Variants in NR2E1 observed in about 807,000 individuals in gnomAD.
NR2E1 encodes the protein nuclear receptor subfamily 2 group E member 1.
Under a neutral mutation model 43.6 loss-of-function variants are expected in NR2E1, and 5 were observed. The ratio of observed to expected loss-of-function variants is 0.11; its 90% confidence interval spans 0.06 to 0.24. The LOEUF (loss-of-function observed/expected upper bound fraction) is 0.24, where lower values mean the gene tolerates loss of function less well. NR2E1 is among the 10% of genes least tolerant of loss of function. The pLI is 1.00. For synonymous variants in NR2E1, 191 were observed against 195.5 expected (o/e 0.98, Z 0.19); for missense variants, 287 against 496.7 (o/e 0.58, Z 4.01).
rs925452704 is a variant in NR2E1 at position 108,181,091 on chromosome 6, C to A, written c.889+135C>A. ...AAGGGAGCTGATACTCTTAATCTGGCCCCATTTTTTATTGCTATGGGAACC... is the reference window on the plus strand; with the variant it reads ...AAGGGAGCTGATACTCTTAATCTGGACCCATTTTTTATTGCTATGGGAACC... On this transcript the variant is annotated intron_variant, in intron 7 of 8. Transcript: ENST00000368986. 281 of 983,180 alleles carry A rather than the reference C, an allele frequency of 2.9e-4. 1 individual carries two copies. The highest frequency in any genetic ancestry group is 4.4e-4 in the Non-Finnish European group (272 of 616,448). 60.9% of individuals were successfully genotyped at this position (983,180 alleles called of 1,614,324 possible). A position where few individuals can be genotyped will look rare whatever the true frequency, so the allele number is the denominator to read the frequency against.
chr6:108,179,491 C>CGTGTGTGT (rs1562405502), intron 5 of NR2E1, among the ~76,000 whole-genome samples: 3 of 74,902 alleles, frequency 4.0e-5, no homozygotes, highest in African/African-American at 2.0e-4. Context: ...CTAACCACTT[C>CGTGTGTGT]CTGTGTGTGT....
Position 108,176,871 on chromosome 6 carries a change from A to G in NR2E1, c.495+133A>G, listed in dbSNP as rs1773908681. On this transcript the variant is annotated intron_variant, in intron 4 of 8. Coordinates refer to ENST00000368986, the MANE Select transcript of NR2E1 (RefSeq NM_003269.5). ...TCCAGGGTGCTTGGCGGGTCTCTGCATGGAGCTCCAGCCCTTCTGCTCTCC... is the reference window on the plus strand; with the variant it reads ...TCCAGGGTGCTTGGCGGGTCTCTGCGTGGAGCTCCAGCCCTTCTGCTCTCC... 15 of 818,590 alleles carry G rather than the reference A, an allele frequency of 1.8e-5. No individual in the cohort carries two copies. The East Asian group carries it at 3.5e-4, about 19-fold the overall frequency. 50.7% of individuals were successfully genotyped at this position (818,590 alleles called of 1,614,324 possible).
At chr6:108,171,839 C>T (rs1486321129) in intron 2 of NR2E1, among the ~76,000 whole-genome samples, 1 of 152,134 alleles carries the variant, frequency 6.6e-6, no homozygotes, top group African/African-American at 2.4e-5. Context: ...CTAGAGCCTC[C>T]CTACACTTTT....
At chr6:108,185,387 CACACACACACGCACACACACAT>C (rs1774056517) in intron 8 of NR2E1, among the ~76,000 whole-genome samples, 3 of 120,072 alleles carry the variant, frequency 2.5e-5, no homozygotes, top group African/African-American at 1.0e-4. Context: ...CTAACACACA[CACACACACACGCACACACACAT>C]ACACACACAC....
At chr6:108,167,942 G>T (rs1773738333) in intron 1 of NR2E1, 1 of 1,443,660 alleles carries the variant, frequency 6.9e-7, no homozygotes, top group Non-Finnish European at 9.3e-7. Flanking sequence ...CCAAGAAGGA[G>T]GTTGTGTTTT....
intron 1 of NR2E1, among the ~76,000 whole-genome samples, chr6:108,167,611 G>T (rs1387216798): frequency 6.6e-6 from 1 of 152,170 alleles, no homozygotes; most frequent in Non-Finnish European, 1.5e-5. Flanking sequence ...CCAGCGTTGA[G>T]CAGGCGCGGT....
intron 5 of NR2E1, among the ~76,000 whole-genome samples, chr6:108,178,689 T>C (rs747595107): frequency 1.3e-5 from 2 of 152,218 alleles, no homozygotes; most frequent in Non-Finnish European, 2.9e-5. Context: ...CCCAGCTTTA[T>C]ATTCTCCATT....
At chr6:108,181,193 A>C (rs1370013940) in intron 7 of NR2E1, among the ~76,000 whole-genome samples, 1 of 150,242 alleles carries the variant, frequency 6.7e-6, no homozygotes, top group Non-Finnish European at 1.5e-5. Context: ...CTTTTTTTTT[A>C]TTTTTTAAAT....
At chr6:108,176,086 C>G (rs868598845) in intron 3 of NR2E1, 5 of 181,776 alleles carry the variant, frequency 2.8e-5, no homozygotes, top group Middle Eastern at 2.3e-3. Context: ...GAAAAGTCTG[C>G]GCAGAAACGA....
chr6:108,167,929 C>G lies in NR2E1; in HGVS notation c.25+1139C>G, dbSNP rs186787010. The stretch of plus-strand genomic sequence containing the variant: ...GATGCAATTCCCGCCCTCCTACCCC[C>G]CTCCAAGAAGGAGGTTGTGTTTTCA... On this transcript the variant is annotated intron_variant, in intron 1 of 8. Transcript: ENST00000368986. 98 of 1,353,700 alleles carry G rather than the reference C, an allele frequency of 7.2e-5. 1 individual carries two copies. In the East Asian group the frequency reaches 7.6e-4, roughly 11 times the overall value. The allele number at this position is 1,353,700 out of a possible 1,614,324, so 83.9% of individuals were successfully genotyped here.
Position 108,187,604 on chromosome 6 carries a change from C to A in NR2E1, c.*141C>A. 1 of 925,902 alleles carries A rather than the reference C, an allele frequency of 1.1e-6. No individual in the cohort carries two copies. Among genetic ancestry groups the A allele is most frequent in the Non-Finnish European group, 1.7e-6 (1 of 581,888 alleles). The allele number at this position is 925,902 out of a possible 1,614,324, so 57.4% of individuals were successfully genotyped here. A position where few individuals can be genotyped will look rare whatever the true frequency, so the allele number is the denominator to read the frequency against. ...TTCAGGAAAAAAATGCCAATTGACA[C>A]AAAGCATTCCAGTAGCTATGACCTG... On this transcript the variant is annotated 3_prime_UTR_variant, in exon 9 of 9. Transcript: ENST00000368986.
Position 108,176,143 on chromosome 6 carries a change from G to A in NR2E1, c.260-360G>A, listed in dbSNP as rs536967323. 4.4e-5 allele frequency: 12 copies of A among 272,036 alleles called. 1 individual carries two copies. In the South Asian group the frequency reaches 8.9e-4, roughly 20 times the overall value. 16.9% of individuals were successfully genotyped at this position (272,036 alleles called of 1,614,324 possible). A position where few individuals can be genotyped will look rare whatever the true frequency, so the allele number is the denominator to read the frequency against. On this transcript the variant is annotated intron_variant, in intron 3 of 8. Transcript: ENST00000368986. ...TCCCTCTCTTTTGGATGGGGGCGAG[G>A]ATACCTGGCTACTCCAGCCCAGAGG...
chr6:108,180,723 G>T lies in NR2E1; in HGVS notation c.740-84G>T. The T allele has an allele frequency of 8.0e-7, 1 of 1,247,868 alleles. No individual in the cohort carries two copies. The highest frequency in any genetic ancestry group is 1.2e-6 in the Non-Finnish European group (1 of 852,894). The allele number at this position is 1,247,868 out of a possible 1,614,324, so 77.3% of individuals were successfully genotyped here. A position where few individuals can be genotyped will look rare whatever the true frequency, so the allele number is the denominator to read the frequency against. On this transcript the variant is annotated intron_variant, in intron 6 of 8. Coordinates refer to ENST00000368986, the MANE Select transcript of NR2E1 (RefSeq NM_003269.5). This position sits in a 1 kb window ranked among gnomAD's most constrained non-coding sequence, Gnocchi z 5.4. Reference sequence around the variant, plus strand: ...TTAGAGTGACAATTGAATAGATATTGATATGCAGGATTTTGTCAAAAATCA... The same window carrying T: ...TTAGAGTGACAATTGAATAGATATTTATATGCAGGATTTTGTCAAAAATCA...
Position 108,176,566 on chromosome 6 carries a change from G to T in NR2E1, c.323G>T (p.Arg108Leu). 6.2e-7 allele frequency: 1 copy of T among 1,613,156 alleles called. No homozygotes were observed. Among genetic ancestry groups the T allele is most frequent in the African/African-American group, 1.3e-5 (1 of 75,072 alleles). ...CGCAAGCAAGTGGCCCTCTACTTCC[G>T]TGGACACAAGGAGGAGAACGGGGCC... Reference protein sequence around the residue: ...TIRKQVALYFRGHKEENGAAA... With the variant: ...TIRKQVALYFLGHKEENGAAA... The change falls in exon 4 of 9, where the codon CGT becomes CTT. Residue 108 changes from arginine to leucine, a missense_variant. Transcript: ENST00000368986.
In NR2E1 at chr6:108,180,983, TCTC is replaced by T. The variant is rs926373877; in HGVS notation, c.889+30_889+32del. 1.9e-6 allele frequency: 3 copies of T among 1,613,556 alleles called. No homozygotes were observed. The African/African-American group carries it at 4.0e-5, about 22-fold the overall frequency. ...TAAGCAGACACAGACCCCTGTTTCT[TCTC>T]CTTCCCCAGTTTTGCCACCTCACTA... On this transcript the variant is annotated intron_variant, in intron 7 of 8. Coordinates refer to ENST00000368986, the MANE Select transcript of NR2E1 (RefSeq NM_003269.5). This position sits in a 1 kb window ranked among gnomAD's most constrained non-coding sequence, Gnocchi z 5.4.
At position 108,169,201 on chromosome 6, in the gene NR2E1, T is replaced by G. The variant is rs1033012099; in HGVS notation, c.26-2257T>G. Among the ~76,000 whole-genome samples, 5 of 152,082 alleles carry G rather than the reference T, an allele frequency of 3.3e-5. No homozygotes were observed. Among genetic ancestry groups the G allele is most frequent in the African/African-American group, 1.2e-4 (5 of 41,404 alleles). Reference sequence around the variant, plus strand: ...CCGGAATTTTCGCGTCCCTCCCTCCTGGGCCCCGCCCCAGCCCGGTTGCCT... The same window carrying G: ...CCGGAATTTTCGCGTCCCTCCCTCCGGGGCCCCGCCCCAGCCCGGTTGCCT... On this transcript the variant is annotated intron_variant, in intron 1 of 8. Coordinates refer to ENST00000368986, the MANE Select transcript of NR2E1 (RefSeq NM_003269.5). The surrounding 1 kb of genome is among the most constrained non-coding windows in gnomAD (Gnocchi z 6.1).
chr6:108,172,416 G>T (rs1461326179), intron 2 of NR2E1, among the ~76,000 whole-genome samples: 1 of 152,206 alleles, frequency 6.6e-6, no homozygotes, highest in Non-Finnish European at 1.5e-5. Flanking sequence ...GAGGAATCTG[G>T]CATGGGCTGA....
chr6:108,176,245 T>C (rs144228424), intron 3 of NR2E1: 1 of 578,780 alleles, frequency 1.7e-6, no homozygotes, highest in East Asian at 2.9e-5. Context: ...CTGGTCTTAC[T>C]TGAGGCTCTG....
rs112720065 is a variant in NR2E1 at position 108,169,920 on chromosome 6, C to T, written c.26-1538C>T. Among the ~76,000 whole-genome samples, 5,618 of 152,136 alleles carry T rather than the reference C, an allele frequency of 0.037. 174 individuals are homozygous for T. The highest frequency in any genetic ancestry group is 0.055 in the Non-Finnish European group (3,743 of 67,960). On this transcript the variant is annotated intron_variant, in intron 1 of 8. Coordinates refer to ENST00000368986, the MANE Select transcript of NR2E1 (RefSeq NM_003269.5). The surrounding 1 kb of genome is among the most constrained non-coding windows in gnomAD (Gnocchi z 6.1). ...AGGTGCTGCCGCGGGGTTGTAATTA[C>T]CCGGCCGAGCCTGGTCGTTACCGAA...
Sources: gnomAD v4.1 joint callset for allele counts (sites outside exome capture counted in the v4.1 genomes callset) on GRCh38, gnomAD v4.1.1 for gene constraint, Gnocchi (gnomAD v3.1) non-coding constraint, MANE v1.5 for transcripts, NCBI Gene and HGNC (gene_info 2026-07-23, HGNC 2026-07-21) for gene names.